RTN4RL1: variants seen among roughly 807,000 people sequenced by gnomAD.
RTN4RL1 encodes reticulon 4 receptor like 1.
RTN4RL1 carries 7 observed loss-of-function variants against 25.6 expected under a neutral mutation model. The ratio of observed to expected loss-of-function variants is 0.27; its 90% confidence interval spans 0.16 to 0.51. The LOEUF (loss-of-function observed/expected upper bound fraction) is 0.51. Among genes scored for constraint, RTN4RL1 ranks in the 20% least tolerant of loss-of-function variants. RTN4RL1 has a pLI of 0.97. For synonymous variants in RTN4RL1, 297 were observed against 288.2 expected (o/e 1.03, Z -0.31); for missense variants, 500 against 615.6 (o/e 0.81, Z 1.99).
intron 1 of RTN4RL1, among the ~76,000 whole-genome samples, chr17:2,007,337 A>AACACACACACACACACACACACACACAC (rs34669886): frequency 2.9e-5 from 4 of 140,306 alleles, no homozygotes; most frequent in African/African-American, 1.1e-4. Flanking sequence ...TCACAGCCCC[A>AACACACACACACACACACACACACACAC]ACACACACAC....
At chr17:1,937,993 C>T (rs573544039) in intron 1 of RTN4RL1, among the ~76,000 whole-genome samples, 185 bp from the exon 2 acceptor site, 135 of 152,346 alleles carry the variant, frequency 8.9e-4, no homozygotes, top group African/African-American at 2.9e-3. Context: ...AGAGGCCTCC[C>T]CTCCTTGGTG....
At chr17:1,971,979 ATT>A (rs146148725) in intron 1 of RTN4RL1, among the ~76,000 whole-genome samples, 9 of 146,578 alleles carry the variant, frequency 6.1e-5, no homozygotes, top group Non-Finnish European at 9.0e-5. Flanking sequence ...AAAAAAAAAA[ATT>A]TTAAACATTA....
At position 2,006,918 on chromosome 17, in the gene RTN4RL1, C is replaced by T. The variant is rs115096672; in HGVS notation, c.13+17935G>A. 3.2e-3 allele frequency among the ~76,000 whole-genome samples: 489 copies of T among 152,156 alleles called. 5 individuals are homozygous for T. The highest frequency in any genetic ancestry group is 0.011 in the African/African-American group (464 of 41,498). On this transcript the variant is annotated intron_variant, in intron 1 of 1. Transcript: ENST00000331238. ...GATTACAGGCATAAGCCACTGTGCCCGGCCTTTTCTTTTTTTTAATGTGTG... is the reference window on the plus strand; with the variant it reads ...GATTACAGGCATAAGCCACTGTGCCTGGCCTTTTCTTTTTTTTAATGTGTG...
At chr17:1,942,973 G>A (rs1042813525) in intron 1 of RTN4RL1, among the ~76,000 whole-genome samples, 2 of 152,334 alleles carry the variant, frequency 1.3e-5, no homozygotes, top group South Asian at 2.1e-4. Flanking sequence ...CAGCTGGGCT[G>A]GGGGAACCCA....
intron 1 of RTN4RL1, among the ~76,000 whole-genome samples, chr17:1,999,684 A>C (rs954247041): frequency 4.1e-4 from 59 of 144,462 alleles, no homozygotes; most frequent in African/African-American, 1.1e-3. Flanking sequence ...CCCCCCCCAC[A>C]CACACACGCA....
At chr17:1,947,946 G>T (rs1450021286) in intron 1 of RTN4RL1, among the ~76,000 whole-genome samples, 1 of 152,194 alleles carries the variant, frequency 6.6e-6, no homozygotes, top group Non-Finnish European at 1.5e-5. Context: ...AGGGCTGGTT[G>T]TACGGGTGGC....
chr17:1,937,358 T>TA lies in RTN4RL1; in HGVS notation c.463dup (p.Tyr155LeufsTer85). 1 of 1,613,530 alleles carries TA rather than the reference T, an allele frequency of 6.2e-7. No homozygotes were observed. On this transcript the variant is annotated frameshift_variant, in exon 2 of 2. Coordinates refer to ENST00000331238, the MANE Select transcript of RTN4RL1 (RefSeq NM_178568.4). LOFTEE classifies it high-confidence loss of function. The stretch of plus-strand genomic sequence containing the variant: ...GTACTCGATGTGGTTGTCCTGCAGG[T>TA]AGAGGTACTGCAGGCTGTGCAGGCC...
chr17:1,999,704 A>G (rs1206663354), intron 1 of RTN4RL1, among the ~76,000 whole-genome samples: 1 of 151,378 alleles, frequency 6.6e-6, no homozygotes, highest in African/African-American at 2.4e-5. Context: ...ACAGGCACAC[A>G]CACTCTTGCG....
At chr17:1,972,296 ACTCGGT>A (rs2066823796) in intron 1 of RTN4RL1, among the ~76,000 whole-genome samples, 1 of 150,264 alleles carries the variant, frequency 6.7e-6, no homozygotes, top group Non-Finnish European at 1.5e-5. Context: ...ACAGAGCAAT[ACTCGGT>A]CTCAAAAATA....
intron 1 of RTN4RL1, among the ~76,000 whole-genome samples, chr17:2,011,544 G>A (rs1230081305): frequency 6.6e-6 from 1 of 152,210 alleles, no homozygotes; most frequent in East Asian, 1.9e-4. Context: ...GGCAAGAGGA[G>A]GAGCTGGCGG....
intron 1 of RTN4RL1, among the ~76,000 whole-genome samples, chr17:1,958,990 G>A (rs2151309346): frequency 6.6e-6 from 1 of 152,348 alleles, no homozygotes; most frequent in African/African-American, 2.4e-5. Context: ...CACCTCCTGA[G>A]AGGCAAAAGG....
rs79016269 is a variant in RTN4RL1 at position 1,962,865 on chromosome 17, A to G, written c.14-25057T>C. 0.014 allele frequency among the ~76,000 whole-genome samples: 6 copies of G among 442 alleles called. No homozygotes were observed. In the Non-Finnish European group the frequency reaches 0.19, roughly 14 times the overall value. The allele number at this position is 442 out of a possible 152,430, so 0.3% of individuals were successfully genotyped here. On this transcript the variant is annotated intron_variant, in intron 1 of 1. Coordinates refer to ENST00000331238, the MANE Select transcript of RTN4RL1 (RefSeq NM_178568.4). ...CGGCAGAGGGAGACTCGATCTCAGAAAAAAAAAAAAAAAAAAGAGATGTGG... is the reference window on the plus strand; with the variant it reads ...CGGCAGAGGGAGACTCGATCTCAGAGAAAAAAAAAAAAAAAAGAGATGTGG...
intron 1 of RTN4RL1, among the ~76,000 whole-genome samples, chr17:2,018,263 A>G (rs925482458): frequency 3.3e-5 from 5 of 152,232 alleles, no homozygotes; most frequent in East Asian, 3.8e-4. Context: ...CAGCCCCCCA[A>G]TAATCCATGG....
At chr17:2,014,068 A>G (rs2067087294) in intron 1 of RTN4RL1, among the ~76,000 whole-genome samples, 1 of 152,176 alleles carries the variant, frequency 6.6e-6, no homozygotes, top group Admixed American at 6.5e-5. Context: ...ACTTGCTTGA[A>G]TTTTTGAAAC....
At chr17:2,007,374 A>ACT (rs1555521081) in intron 1 of RTN4RL1, among the ~76,000 whole-genome samples, 3 of 142,488 alleles carry the variant, frequency 2.1e-5, no homozygotes, top group Non-Finnish European at 3.1e-5. Flanking sequence ...ACACACACAC[A>ACT]CTCTTCCTCT....
At chr17:1,974,040 G>GAAAAAA (rs57063033) in intron 1 of RTN4RL1, among the ~76,000 whole-genome samples, 7 of 97,018 alleles carry the variant, frequency 7.2e-5, no homozygotes, top group African/African-American at 2.8e-4. Context: ...CTCCGTCTCA[G>GAAAAAA]AAAAAAAAAA....
At chr17:2,012,863 G>A (rs572981566) in intron 1 of RTN4RL1, among the ~76,000 whole-genome samples, 10 of 150,916 alleles carry the variant, frequency 6.6e-5, no homozygotes, top group Non-Finnish European at 1.0e-4. Flanking sequence ...GCATGATCTC[G>A]GCTCACCGCA....
At chr17:1,942,408 G>A (rs530937110) in intron 1 of RTN4RL1, among the ~76,000 whole-genome samples, 1 of 152,102 alleles carries the variant, frequency 6.6e-6, no homozygotes, top group South Asian at 2.1e-4. Flanking sequence ...CAGATGGGGG[G>A]GCTCACTAGG....
intron 1 of RTN4RL1, among the ~76,000 whole-genome samples, chr17:1,951,668 G>A (rs1016939879): frequency 4.6e-5 from 7 of 152,096 alleles, no homozygotes; most frequent in African/African-American, 1.7e-4. Flanking sequence ...GGTCAGGCTG[G>A]TCTCGAACTC....
Sources: gnomAD v4.1 joint callset for allele counts (sites outside exome capture counted in the v4.1 genomes callset) on GRCh38, gnomAD v4.1.1 for gene constraint, MANE v1.5 for transcripts, NCBI Gene and HGNC (gene_info 2026-07-23, HGNC 2026-07-21) for gene names.